The following RAD51B variants were observed in gnomAD, a reference collection of about 807,000 sequenced individuals.
RAD51B encodes DNA repair protein RAD51 homolog 2.
RAD51B carries 38 observed loss-of-function variants against 42.2 expected under a neutral mutation model. The observed-to-expected ratio is 0.90, with a 90% CI of 0.70 to 1.18. The LOEUF is 1.18. RAD51B is among the 50% of genes most tolerant of loss of function. The pLI is 0.00. For synonymous variants in RAD51B, 154 were observed against 145.2 expected, an observed-to-expected ratio of 1.06 and a Z score of -0.43; for missense variants, 373 against 400.7, an observed-to-expected ratio of 0.93 and a Z score of 0.59.
intron 9 of RAD51B, among the ~76,000 whole-genome samples, chr14:68,428,778 T>C (rs2084923542): frequency 7.5e-6 from 1 of 134,100 alleles, no homozygotes; most frequent in Admixed American, 7.6e-5. Context: ...TATTATACTT[T>C]AAGTTCTAGG....
chr14:68,190,116 T>A (rs1445257700), intron 7 of RAD51B, among the ~76,000 whole-genome samples: 1 of 152,176 alleles, frequency 6.6e-6, no homozygotes, highest in Non-Finnish European at 1.5e-5. Flanking sequence ...TTAAAGGAAA[T>A]GATATTTATG....
intron 4 of RAD51B, among the ~76,000 whole-genome samples, chr14:67,842,827 ATTT>A (rs2041474469): frequency 6.6e-6 from 1 of 152,090 alleles, no homozygotes; most frequent in Non-Finnish European, 1.5e-5. Flanking sequence ...GGGTCTTAGT[ATTT>A]TGAGGTATGT....
intron 5 of RAD51B, among the ~76,000 whole-genome samples, chr14:67,878,042 A>G (rs1017505312): frequency 6.6e-6 from 1 of 152,168 alleles, no homozygotes; most frequent in Non-Finnish European, 1.5e-5. Flanking sequence ...CCCCACTATT[A>G]GTTATCAAGA....
intron 7 of RAD51B, among the ~76,000 whole-genome samples, chr14:68,140,482 GT>G (rs1262980855): frequency 1.3e-5 from 2 of 152,174 alleles, no homozygotes; most frequent in Non-Finnish European, 2.9e-5. Flanking sequence ...AACAGTAAAT[GT>G]TACCTCCACC....
At chr14:68,347,071 C>T (rs1420461473) in intron 8 of RAD51B, among the ~76,000 whole-genome samples, 1 of 151,972 alleles carries the variant, frequency 6.6e-6, no homozygotes, top group African/African-American at 2.4e-5. Context: ...TTCTTCCCTT[C>T]CATGTCTATA....
chr14:68,290,716 A>G (rs1436392426), intron 7 of RAD51B, among the ~76,000 whole-genome samples: 2 of 152,116 alleles, frequency 1.3e-5, no homozygotes, highest in Non-Finnish European at 2.9e-5. Context: ...CTATATCACA[A>G]ATTTGGAAAT....
intron 7 of RAD51B, among the ~76,000 whole-genome samples, chr14:68,203,347 A>G (rs1250878095): frequency 6.6e-6 from 1 of 152,196 alleles, no homozygotes; most frequent in African/African-American, 2.4e-5. Flanking sequence ...ATTGTCAATG[A>G]GCAGTACTAT....
chr14:68,540,434 A>G (rs1887901395), intron 10 of RAD51B: 1 of 985,320 alleles, frequency 1.0e-6, no homozygotes, highest in South Asian at 4.7e-5. Context: ...AATTTGATTC[A>G]CTTGCCACCT....
chr14:68,224,117 T>C (rs764448890), intron 7 of RAD51B, among the ~76,000 whole-genome samples: 1 of 152,194 alleles, frequency 6.6e-6, no homozygotes, highest in Non-Finnish European at 1.5e-5. Context: ...GTGAAATTAT[T>C]TAAACTGTAA....
intron 7 of RAD51B, among the ~76,000 whole-genome samples, chr14:67,890,255 G>A (rs980851710): frequency 2.6e-5 from 4 of 152,034 alleles, no homozygotes; most frequent in Non-Finnish European, 5.9e-5. Context: ...AGAAAATTTA[G>A]TTTGGCCCCT....
chr14:68,158,948 T>C (rs865808716), intron 7 of RAD51B, among the ~76,000 whole-genome samples: 1 of 152,198 alleles, frequency 6.6e-6, no homozygotes, highest in Non-Finnish European at 1.5e-5. Flanking sequence ...TTTTTATTTC[T>C]TACAAGCAGA....
At chr14:67,925,534 G>A (rs2044476067) in intron 7 of RAD51B, among the ~76,000 whole-genome samples, 1 of 152,138 alleles carries the variant, frequency 6.6e-6, no homozygotes, top group African/African-American at 2.4e-5. Flanking sequence ...GCCTCCCAAA[G>A]TGCTGGGATT....
At chr14:67,945,171 G>T (rs2045347065) in intron 7 of RAD51B, among the ~76,000 whole-genome samples, 1 of 152,078 alleles carries the variant, frequency 6.6e-6, no homozygotes, top group Non-Finnish European at 1.5e-5. Flanking sequence ...TGATTAAATG[G>T]TATTAAAATA....
intron 7 of RAD51B, among the ~76,000 whole-genome samples, chr14:67,892,254 C>A (rs1000570119): frequency 6.6e-6 from 1 of 152,072 alleles, no homozygotes; most frequent in Non-Finnish European, 1.5e-5. Context: ...CTAGACTAAA[C>A]CTTTATCAGT....
chr14:68,184,777 T>C (rs1385587562), intron 7 of RAD51B, among the ~76,000 whole-genome samples: 1 of 152,212 alleles, frequency 6.6e-6, no homozygotes, highest in African/African-American at 2.4e-5. Flanking sequence ...AAACAAAATA[T>C]GAACAATCCC....
At chr14:68,034,106 T>G (rs952702603) in intron 7 of RAD51B, among the ~76,000 whole-genome samples, 4 of 152,192 alleles carry the variant, frequency 2.6e-5, no homozygotes, top group African/African-American at 7.2e-5. Flanking sequence ...GGGGGGATTT[T>G]GTTCATTTTT....
At chr14:67,871,378 C>G (rs1210812673) in intron 5 of RAD51B, among the ~76,000 whole-genome samples, 1 of 152,178 alleles carries the variant, frequency 6.6e-6, no homozygotes, top group Non-Finnish European at 1.5e-5. Context: ...TCTCCCAAGA[C>G]TAAACCAGGA....
rs1434507569 is a variant in RAD51B at position 68,079,695 on chromosome 14, C to CA, written c.756+192496dup. ...TAAAGTATATTAAAAACATTAAAGA[C>CA]AAAAAGACAAAAGTTTTTTAAAGTA... On this transcript the variant is annotated intron_variant, in intron 7 of 10. Transcript: ENST00000471583. Among the ~76,000 whole-genome samples the CA allele has an allele frequency of 3.3e-5, 5 of 152,236 alleles. No individual in the cohort carries two copies. In the South Asian group the frequency reaches 1.0e-3, roughly 32 times the overall value.
In RAD51B at chr14:67,860,923, T is replaced by G. The variant is rs539044508; in HGVS notation, c.316-4080T>G. On this transcript the variant is annotated intron_variant, in intron 4 of 10. Coordinates refer to ENST00000471583, the MANE Select transcript of RAD51B (RefSeq NM_133510.4). ...AAATCTGACTGTTAGGCTGGGCATG[T>G]TGGCTCATGCCTGTAATCCTAGTAC... is the stretch of plus-strand genomic sequence containing the variant. Among the ~76,000 whole-genome samples the G allele has an allele frequency of 3.3e-5, 5 of 152,260 alleles. No individual in the cohort carries two copies. The South Asian group carries it at 1.0e-3, about 32-fold the overall frequency.
Sources: allele counts gnomAD v4.1 joint callset (sites outside exome capture counted in the v4.1 genomes callset), GRCh38; gene constraint gnomAD v4.1.1; transcripts MANE v1.5; gene names NCBI Gene and HGNC (gene_info 2026-07-23, HGNC 2026-07-21).